AFG2A: variants seen among roughly 807,000 people sequenced by gnomAD.
The protein encoded by AFG2A is AAA ATPase AFG2A, also known as ATPase family gene 2 protein homolog A.
the AFG2A span, among the ~76,000 whole-genome samples, chr4:122,958,656 G>A: frequency 2.6e-5 from 4 of 152,194 alleles, no homozygotes; most frequent in Non-Finnish European, 4.4e-5. Context: ...GTAGGTCTGA[G>A]CTGGTGCCTG....
the AFG2A span, among the ~76,000 whole-genome samples, chr4:123,030,569 G>C: frequency 5.9e-4 from 90 of 152,204 alleles, no homozygotes; most frequent in African/African-American, 2.1e-3. Context: ...CATCAATTGA[G>C]TTCATAACTC....
chr4:122,929,328 C>G, the AFG2A span: 1 of 928,880 alleles, frequency 1.1e-6, no homozygotes, highest in Non-Finnish European at 1.5e-6. Flanking sequence ...GAAACAGGTA[C>G]AATGAATTAC....
chr4:123,046,920 C>T, the AFG2A span, among the ~76,000 whole-genome samples: 1 of 152,168 alleles, frequency 6.6e-6, no homozygotes, highest in Non-Finnish European at 1.5e-5. Flanking sequence ...GCTTATTGCA[C>T]TTAACATAAT....
the AFG2A span, among the ~76,000 whole-genome samples, chr4:123,092,758 G>C: frequency 4.1e-4 from 62 of 152,208 alleles, 1 homozygote; most frequent in South Asian, 1.7e-3. Flanking sequence ...TTGTGATTGG[G>C]GCTGAGAACT....
chr4:123,224,623 G>A, the AFG2A span, among the ~76,000 whole-genome samples: 1 of 152,134 alleles, frequency 6.6e-6, no homozygotes, highest in South Asian at 2.1e-4. Flanking sequence ...TTGGACCTTT[G>A]GGTTGGTTCC....
chr4:123,100,149 C>T, the AFG2A span, among the ~76,000 whole-genome samples: 1 of 151,722 alleles, frequency 6.6e-6, no homozygotes, highest in Non-Finnish European at 1.5e-5. Context: ...TTGTAAAATC[C>T]CAACCCATCA....
the AFG2A span, among the ~76,000 whole-genome samples, chr4:123,139,030 G>T: frequency 2.0e-5 from 3 of 152,078 alleles, no homozygotes; most frequent in South Asian, 6.2e-4. Context: ...GTTTTAAGAG[G>T]TATTTAAATT....
At chr4:123,208,825 AT>A in the AFG2A span, among the ~76,000 whole-genome samples, 4 of 152,182 alleles carry the variant, frequency 2.6e-5, no homozygotes, top group African/African-American at 9.7e-5. Flanking sequence ...TAAAATATAT[AT>A]TTTGTCTTCC....
the AFG2A span, among the ~76,000 whole-genome samples, chr4:123,096,126 C>T: frequency 2.6e-5 from 4 of 152,202 alleles, no homozygotes; most frequent in African/African-American, 4.8e-5. Context: ...TGATGTAGCA[C>T]ACTAGGCTGG....
chr4:123,099,392 T>C, the AFG2A span, among the ~76,000 whole-genome samples: 2 of 152,040 alleles, frequency 1.3e-5, no homozygotes, highest in East Asian at 3.9e-4. Flanking sequence ...TTTTGTTGTC[T>C]GTGCTTTTGA....
At chr4:122,997,519 C>T in the AFG2A span, among the ~76,000 whole-genome samples, 1 of 151,958 alleles carries the variant, frequency 6.6e-6, no homozygotes, top group African/African-American at 2.4e-5. Context: ...TGATATAGCC[C>T]ATTTGATTTA....
the AFG2A span, among the ~76,000 whole-genome samples, chr4:123,047,682 T>A: frequency 6.6e-6 from 1 of 150,614 alleles, no homozygotes; most frequent in Non-Finnish European, 1.5e-5. Context: ...TTTCATAGAT[T>A]CAGGTCTTAT....
the AFG2A span, among the ~76,000 whole-genome samples, chr4:122,992,520 T>C: frequency 6.6e-6 from 1 of 152,266 alleles, no homozygotes; most frequent in Non-Finnish European, 1.5e-5. Flanking sequence ...CTGCAGATGG[T>C]TAATACTTAT....
the AFG2A span, chr4:123,313,962 A>G: frequency 6.2e-7 from 1 of 1,613,304 alleles, no homozygotes; most frequent in Admixed American, 1.7e-5. Context: ...TCATGAAAAG[A>G]CATTTCACTC....
chr4:123,033,920 T>C, the AFG2A span, among the ~76,000 whole-genome samples: 1 of 152,140 alleles, frequency 6.6e-6, no homozygotes, highest in Non-Finnish European at 1.5e-5. Context: ...GAGTGTGGGC[T>C]TCTTTCCAAA....
At chr4:123,056,593 T>A in the AFG2A span, among the ~76,000 whole-genome samples, 24,819 of 152,160 alleles carry the variant, frequency 0.16, 2,467 homozygotes, top group East Asian at 0.45. Context: ...TATTTTATTA[T>A]TTAAAAATGC....
chr4:123,169,827 A>G, the AFG2A span, among the ~76,000 whole-genome samples: 67 of 152,300 alleles, frequency 4.4e-4, no homozygotes, highest in African/African-American at 1.6e-3. Context: ...TTAAACAAGC[A>G]GACATCTGTA....
At chr4:123,060,245 G>C in the AFG2A span, among the ~76,000 whole-genome samples, 1 of 152,174 alleles carries the variant, frequency 6.6e-6, no homozygotes, top group Non-Finnish European at 1.5e-5. Context: ...TACCATTCTA[G>C]GGTGTGGAGG....
the AFG2A span, among the ~76,000 whole-genome samples, chr4:123,143,423 A>C: frequency 1.3e-5 from 2 of 152,062 alleles, no homozygotes; most frequent in Non-Finnish European, 2.9e-5. Context: ...ATTAACGTAT[A>C]TCACATCTGT....
Sources: allele counts gnomAD v4.1 joint callset (sites outside exome capture counted in the v4.1 genomes callset), GRCh38; gene constraint gnomAD v4.1.1; transcripts MANE v1.5; gene names NCBI Gene and HGNC (gene_info 2026-07-23, HGNC 2026-07-21).